Variants in RGS6 observed in about 807,000 individuals in gnomAD.
The protein encoded by RGS6 is regulator of G protein signaling 6.
A neutral mutation model predicts 78.5 loss-of-function variants in RGS6; 30 were observed. The ratio of observed to expected loss-of-function variants is 0.38; its 90% confidence interval spans 0.29 to 0.52. The LOEUF is 0.52. RGS6 is among the 20% of genes least tolerant of loss of function. The pLI, the probability that RGS6 is intolerant of heterozygous loss-of-function variation, is 0.85. For synonymous variants in RGS6, 206 were observed against 206.0 expected, an observed-to-expected ratio of 1.00 and a Z score of 0.00; for missense variants, 495 against 609.7, an observed-to-expected ratio of 0.81 and a Z score of 1.98.
chr14:72,375,187 T>C (rs1368497718), intron 3 of RGS6, among the ~76,000 whole-genome samples: 1 of 152,190 alleles, frequency 6.6e-6, no homozygotes, highest in Non-Finnish European at 1.5e-5. Flanking sequence ...GAAGAGCAAT[T>C]CTTCCCCATT....
chr14:72,496,069 T>C (rs1287580649), intron 13 of RGS6, among the ~76,000 whole-genome samples: 1 of 152,192 alleles, frequency 6.6e-6, no homozygotes, highest in Non-Finnish European at 1.5e-5. Context: ...CTGCTTTTCC[T>C]GAAATGGAAA....
At chr14:72,301,068 C>G (rs528816210) in intron 2 of RGS6, among the ~76,000 whole-genome samples, 216 of 152,248 alleles carry the variant, frequency 1.4e-3, no homozygotes, top group African/African-American at 5.1e-3. Context: ...GCATTATAGT[C>G]AAAGCAGCAG....
At position 72,373,928 on chromosome 14, in the gene RGS6, C is replaced by CT. The variant is rs927496395; in HGVS notation, c.184+21741dup. On this transcript the variant is annotated intron_variant, in intron 3 of 17. Transcript: ENST00000553525. Reference sequence around the variant, plus strand: ...ATTTTTATAACAATCATTTGATAGTCTTTTTTTAAAAGACTACAGAAAGTT... The same window carrying CT: ...ATTTTTATAACAATCATTTGATAGTCTTTTTTTTAAAAGACTACAGAAAGTT... Among the ~76,000 whole-genome samples the CT allele has an allele frequency of 4.6e-5, 7 of 151,580 alleles. No homozygotes were observed. In the East Asian group the frequency reaches 7.7e-4, roughly 17 times the overall value.
intron 2 of RGS6, among the ~76,000 whole-genome samples, chr14:72,148,230 CA>C (rs1406802044): frequency 6.8e-6 from 1 of 148,076 alleles, no homozygotes; most frequent in Non-Finnish European, 1.5e-5. Flanking sequence ...CCCATCTCTA[CA>C]AAAAAATAGA....
the RGS6 span, among the ~76,000 whole-genome samples, chr14:71,870,281 A>G: frequency 6.6e-6 from 1 of 152,350 alleles, no homozygotes; most frequent in African/African-American, 2.4e-5. Context: ...AATAACAATT[A>G]CATGAGTCTG....
chr14:72,090,869 C>T (rs527812584), intron 2 of RGS6, among the ~76,000 whole-genome samples: 7 of 152,204 alleles, frequency 4.6e-5, no homozygotes, highest in South Asian at 2.1e-4. Flanking sequence ...TTGGGGCACT[C>T]GGTGAAGGTC....
the RGS6 span, among the ~76,000 whole-genome samples, chr14:71,898,914 C>G: frequency 6.6e-6 from 1 of 152,120 alleles, no homozygotes; most frequent in African/African-American, 2.4e-5. Flanking sequence ...TGTAGGTACA[C>G]TTTTATAAGT....
At chr14:72,541,822 T>C (rs1484482435) in intron 17 of RGS6, among the ~76,000 whole-genome samples, 1 of 152,166 alleles carries the variant, frequency 6.6e-6, no homozygotes, top group East Asian at 1.9e-4. Flanking sequence ...CGTCCAGACA[T>C]TTTCAGGCTG....
At chr14:72,153,288 G>A (rs967277087) in intron 2 of RGS6, among the ~76,000 whole-genome samples, 1 of 152,196 alleles carries the variant, frequency 6.6e-6, no homozygotes, top group Non-Finnish European at 1.5e-5. Context: ...CAGCCTGACA[G>A]CCTCGCATTA....
At chr14:72,540,157 CTTTT>C in intron 17 of RGS6, 63 bp downstream of exon 17, 36 of 1,295,730 alleles carry the variant, frequency 2.8e-5, no homozygotes, top group Admixed American at 1.2e-4. Flanking sequence ...CTTTCTTCTT[CTTTT>C]TTTTTTTTTT....
At chr14:72,529,735 G>T (rs560374770) in intron 15 of RGS6, among the ~76,000 whole-genome samples, 1 of 152,288 alleles carries the variant, frequency 6.6e-6, no homozygotes, top group South Asian at 2.1e-4. Flanking sequence ...GGATCTTTCT[G>T]GTTGAGAGAC....
intron 2 of RGS6, among the ~76,000 whole-genome samples, chr14:72,126,570 T>C (rs2096198641): frequency 6.6e-6 from 1 of 152,228 alleles, no homozygotes; most frequent in African/African-American, 2.4e-5. Context: ...ATTGTGAGCA[T>C]TTTTGTCTCC....
intron 1 of RGS6, among the ~76,000 whole-genome samples, chr14:71,962,594 A>G (rs370449580): frequency 1.2e-4 from 18 of 152,360 alleles, no homozygotes; most frequent in East Asian, 1.2e-3. Flanking sequence ...GCCATTGGTT[A>G]GAATGGTAAT....
intron 2 of RGS6, among the ~76,000 whole-genome samples, chr14:72,010,457 T>C (rs982500046): frequency 3.3e-5 from 5 of 152,200 alleles, no homozygotes; most frequent in African/African-American, 1.2e-4. Flanking sequence ...CTTTGAGTCA[T>C]TTACAGTTAA....
At chr14:72,307,569 G>A (rs2152440150) in intron 2 of RGS6, among the ~76,000 whole-genome samples, 1 of 152,162 alleles carries the variant, frequency 6.6e-6, no homozygotes, top group South Asian at 2.1e-4. Context: ...CAAATACTGA[G>A]AGACTGTTTC....
At chr14:72,472,710 T>C (rs2096118487) in intron 8 of RGS6, among the ~76,000 whole-genome samples, 162 bp from the exon 9 acceptor site, 1 of 152,194 alleles carries the variant, frequency 6.6e-6, no homozygotes, top group Non-Finnish European at 1.5e-5. Context: ...GGGGGAATTA[T>C]ACACCCCTAT....
chr14:72,160,261 T>C (rs989587316), intron 2 of RGS6, among the ~76,000 whole-genome samples: 3 of 152,216 alleles, frequency 2.0e-5, no homozygotes, highest in Non-Finnish European at 4.4e-5. Flanking sequence ...AAATCCAGTG[T>C]GCTTTTTGAA....
upstream of RGS6, among the ~76,000 whole-genome samples, chr14:71,931,252 C>T (rs1398586367): frequency 6.6e-6 from 1 of 152,064 alleles, no homozygotes; most frequent in Non-Finnish European, 1.5e-5. Context: ...AGGTTTCCCC[C>T]CACCCCCCGC....
the RGS6 span, among the ~76,000 whole-genome samples, chr14:71,909,544 CAGAG>C: frequency 2.4e-5 from 3 of 125,582 alleles, no homozygotes; most frequent in South Asian, 5.5e-4. Flanking sequence ...GAGGGAGAGA[CAGAG>C]AGGGAGAGAG....
Sources: allele counts gnomAD v4.1 joint callset (sites outside exome capture counted in the v4.1 genomes callset), GRCh38; gene constraint gnomAD v4.1.1; transcripts MANE v1.5; gene names NCBI Gene and HGNC (gene_info 2026-07-23, HGNC 2026-07-21).